The following PLXDC2 variants were observed in gnomAD, a reference collection of about 807,000 sequenced individuals.
PLXDC2 encodes plexin domain-containing protein 2.
PLXDC2 carries 40 observed loss-of-function variants against 68.9 expected under a neutral mutation model. The observed-to-expected ratio is 0.58, with a 90% CI of 0.45 to 0.76. The LOEUF (loss-of-function observed/expected upper bound fraction) is 0.76. PLXDC2 is among the 30% of genes least tolerant of loss of function. The pLI is 0.00. For missense variants in PLXDC2, 644 were observed against 661.9 expected, an observed-to-expected ratio of 0.97 and a Z score of 0.30; for synonymous variants, 243 against 234.2, an observed-to-expected ratio of 1.04 and a Z score of -0.34.
chr10:19,930,732 G>A (rs144575835), intron 1 of PLXDC2, among the ~76,000 whole-genome samples: 5,608 of 152,254 alleles, frequency 0.037, 203 homozygotes, highest in East Asian at 0.17. Context: ...GGAGGCCGAG[G>A]TGGGTGGGTC....
At chr10:19,902,577 T>C (rs1439133375) in intron 1 of PLXDC2, among the ~76,000 whole-genome samples, 1 of 152,190 alleles carries the variant, frequency 6.6e-6, no homozygotes, top group Non-Finnish European at 1.5e-5. Context: ...TAGGAGCTTT[T>C]TGGAAGAGCT....
chr10:20,088,120 A>G (rs1347588358), intron 4 of PLXDC2, among the ~76,000 whole-genome samples: 8 of 152,196 alleles, frequency 5.3e-5, no homozygotes, highest in Non-Finnish European at 8.8e-5. Flanking sequence ...CAAATACTTC[A>G]GAGCACTAGA....
chr10:19,882,637 T>C (rs1406547957), intron 1 of PLXDC2, among the ~76,000 whole-genome samples: 1 of 152,142 alleles, frequency 6.6e-6, no homozygotes, highest in Non-Finnish European at 1.5e-5. Context: ...GTATGAAAGG[T>C]TTCGAGGGAC....
At chr10:19,865,609 C>A (rs1564613534) in intron 1 of PLXDC2, among the ~76,000 whole-genome samples, 1 of 152,124 alleles carries the variant, frequency 6.6e-6, no homozygotes, top group Non-Finnish European at 1.5e-5. Context: ...GTCGAAAGTA[C>A]CTCCAAGCAT....
At chr10:20,133,169 T>A (rs1320172184) in intron 4 of PLXDC2, among the ~76,000 whole-genome samples, 1 of 152,200 alleles carries the variant, frequency 6.6e-6, no homozygotes, top group Non-Finnish European at 1.5e-5. Context: ...TATTCATTAA[T>A]AAATTATTAT....
At chr10:19,950,010 A>G (rs959165051) in intron 1 of PLXDC2, among the ~76,000 whole-genome samples, 7 of 152,182 alleles carry the variant, frequency 4.6e-5, no homozygotes, top group Non-Finnish European at 7.4e-5. Context: ...GCAAAGGAAC[A>G]TGCTTTAAAA....
At chr10:20,159,384 T>A (rs1834261045) in intron 6 of PLXDC2, among the ~76,000 whole-genome samples, 1 of 151,962 alleles carries the variant, frequency 6.6e-6, no homozygotes, top group Non-Finnish European at 1.5e-5. Context: ...CTATGGGGAG[T>A]CTCAATAGCA....
intron 4 of PLXDC2, among the ~76,000 whole-genome samples, chr10:20,110,180 G>A (rs1245922148): frequency 3.3e-5 from 5 of 152,164 alleles, no homozygotes; most frequent in African/African-American, 1.2e-4. Flanking sequence ...TTGGCAGGTG[G>A]TGTTATGCAA....
At chr10:20,085,582 G>A (rs1029063375) in intron 4 of PLXDC2, among the ~76,000 whole-genome samples, 1 of 152,114 alleles carries the variant, frequency 6.6e-6, no homozygotes, top group African/African-American at 2.4e-5. Context: ...CTGTATACAA[G>A]ATTAGTACTT....
intron 1 of PLXDC2, among the ~76,000 whole-genome samples, chr10:19,827,706 G>A (rs12242699): frequency 0.47 from 70,622 of 151,654 alleles, 16,604 homozygotes; most frequent in Middle Eastern, 0.5. Flanking sequence ...AACTACAGGC[G>A]CGCCACCACA....
At chr10:20,159,576 A>G (rs1462981527) in intron 6 of PLXDC2, among the ~76,000 whole-genome samples, 1 of 152,148 alleles carries the variant, frequency 6.6e-6, no homozygotes, top group Non-Finnish European at 1.5e-5. Flanking sequence ...TTTTTCCAAA[A>G]TAAAGGAATG....
At chr10:20,130,839 T>C (rs1833858080) in intron 4 of PLXDC2, among the ~76,000 whole-genome samples, 1 of 152,210 alleles carries the variant, frequency 6.6e-6, no homozygotes, top group Non-Finnish European at 1.5e-5. Flanking sequence ...CATGTGATCA[T>C]GGGTAGTGAT....
intron 3 of PLXDC2, among the ~76,000 whole-genome samples, chr10:20,060,393 T>C (rs1836079232): frequency 6.6e-6 from 1 of 151,546 alleles, no homozygotes; most frequent in South Asian, 2.1e-4. Context: ...ATTGAGAATT[T>C]TAAAAAAGAA....
chr10:19,852,784 T>C (rs965986225), intron 1 of PLXDC2, among the ~76,000 whole-genome samples: 9 of 152,228 alleles, frequency 5.9e-5, no homozygotes, highest in Non-Finnish European at 8.8e-5. Context: ...TACAGAATAG[T>C]GCCCATTGCA....
intron 4 of PLXDC2, among the ~76,000 whole-genome samples, chr10:20,119,389 T>G (rs1589637972): frequency 2.1e-5 from 3 of 140,290 alleles, no homozygotes; most frequent in Admixed American, 7.4e-5. Flanking sequence ...CGGGCAGGAG[T>G]GGGGGTCACA....
intron 2 of PLXDC2, among the ~76,000 whole-genome samples, chr10:20,043,662 G>A (rs977721389): frequency 6.6e-6 from 1 of 151,938 alleles, no homozygotes; most frequent in Non-Finnish European, 1.5e-5. Context: ...TTCACCTAAA[G>A]ATTACATCTT....
In PLXDC2 at chr10:20,279,776, C is replaced by T; in HGVS notation, c.1547C>T (p.Pro516Leu). Reference protein sequence around the residue: ...SGHPAYAEVEPVGEKEGFIVS... With the variant: ...SGHPAYAEVELVGEKEGFIVS... ...CATCCTGCCTATGCTGAAGTTGAAC[C>T]AGTTGGAGAGAAAGAAGGCTTTATT... is the stretch of plus-strand genomic sequence containing the variant. Residue 516 changes from proline (P) to leucine (L), a missense_variant, in exon 14 of 14, where the codon CCA becomes CTA. This residue lies in a region of PLXDC2 where 330 missense variants were observed against 327.9 expected (regional missense o/e 1.01). Coordinates refer to ENST00000377252, the MANE Select transcript of PLXDC2 (RefSeq NM_032812.9). The T allele has an allele frequency of 6.2e-7, 1 of 1,613,864 alleles. No homozygotes were observed. Among genetic ancestry groups the T allele is most frequent in the Non-Finnish European group, 8.5e-7 (1 of 1,179,910 alleles).
intron 12 of PLXDC2, among the ~76,000 whole-genome samples, chr10:20,238,662 A>AAAAATATATATATATGT (rs1175526348): frequency 3.8e-4 from 12 of 31,738 alleles, no homozygotes; most frequent in African/African-American, 1.2e-3. Context: ...TCTCAAAAAA[A>AAAAATATATATATATGT]ATATATATAT....
In PLXDC2 at chr10:20,044,122, TCCTC is replaced by T. The variant is rs754844827; in HGVS notation, c.325-2734_325-2731del. ...TTCCTTCCTTCCTTCCTTCCTTCCT[TCCTC>T]CCTCCCTCCCTCTCTCTCTTTTTCC... On this transcript the variant is annotated intron_variant, in intron 2 of 13. Transcript: ENST00000377252. 5.0e-5 allele frequency among the ~76,000 whole-genome samples: 5 copies of T among 99,736 alleles called. No individual in the cohort carries two copies. The South Asian group carries it at 1.4e-3, about 28-fold the overall frequency. The allele number at this position is 99,736 out of a possible 152,430, so 65.4% of individuals were successfully genotyped here.
Sources: allele counts gnomAD v4.1 joint callset (sites outside exome capture counted in the v4.1 genomes callset), GRCh38; gene constraint gnomAD v4.1.1; regional missense constraint gnomAD v4.1.1; transcripts MANE v1.5; gene names NCBI Gene and HGNC (gene_info 2026-07-23, HGNC 2026-07-21).